The following GPC6 variants were observed in gnomAD, a reference collection of about 807,000 sequenced individuals.
GPC6 encodes the protein glypican 6.
A neutral mutation model predicts 55.2 loss-of-function variants in GPC6; 14 were observed. The ratio of observed to expected loss-of-function variants is 0.25; its 90% CI spans 0.17 to 0.40. GPC6 has a LOEUF of 0.40. Ranked by LOEUF, GPC6 falls within the 10% of genes least tolerant of loss-of-function variation. The pLI, the probability that GPC6 is intolerant of heterozygous loss-of-function variation, is 1.00. For synonymous variants in GPC6, 278 were observed against 259.6 expected (o/e 1.07, Z -0.68); for missense variants, 641 against 708.5 (o/e 0.90, Z 1.08).
intron 3 of GPC6, among the ~76,000 whole-genome samples, chr13:93,899,713 T>C (rs1279387123): frequency 6.6e-6 from 1 of 152,120 alleles, no homozygotes; most frequent in Non-Finnish European, 1.5e-5. Context: ...TAAAAAGGCC[T>C]GAAGAGGTTA....
intron 1 of GPC6, among the ~76,000 whole-genome samples, chr13:93,335,300 T>C (rs1187391520): frequency 2.0e-5 from 3 of 152,244 alleles, no homozygotes; most frequent in African/African-American, 7.2e-5. Flanking sequence ...AATTCTCTAG[T>C]TTATTATCAT....
intron 6 of GPC6, among the ~76,000 whole-genome samples, chr13:94,379,495 G>A (rs1040043935): frequency 3.3e-5 from 5 of 152,064 alleles, no homozygotes; most frequent in Non-Finnish European, 7.4e-5. Flanking sequence ...TCATCGCGAC[G>A]GGCTCCTCAC....
At chr13:93,433,396 C>T (rs1877444242) in intron 1 of GPC6, among the ~76,000 whole-genome samples, 1 of 152,112 alleles carries the variant, frequency 6.6e-6, no homozygotes, top group Admixed American at 6.6e-5. Flanking sequence ...TCTGGTGGCT[C>T]ACATGAAATA....
chr13:94,175,253 G>C (rs1224424356), intron 4 of GPC6, among the ~76,000 whole-genome samples: 1 of 152,098 alleles, frequency 6.6e-6, no homozygotes, highest in Non-Finnish European at 1.5e-5. Flanking sequence ...AATATGTTAG[G>C]CTTTGTGGAT....
intron 6 of GPC6, among the ~76,000 whole-genome samples, chr13:94,368,446 C>A (rs892445812): frequency 2.6e-5 from 4 of 152,118 alleles, no homozygotes; most frequent in African/African-American, 9.7e-5. Flanking sequence ...CTCCACCAAG[C>A]ATTACAAAAC....
At chr13:93,333,011 A>G (rs1239284534) in intron 1 of GPC6, among the ~76,000 whole-genome samples, 1 of 152,184 alleles carries the variant, frequency 6.6e-6, no homozygotes, top group African/African-American at 2.4e-5. Flanking sequence ...AGTTGGCTGT[A>G]AATGTGTGGA....
intron 3 of GPC6, among the ~76,000 whole-genome samples, chr13:93,983,912 T>C (rs1022203548): frequency 3.3e-5 from 5 of 151,962 alleles, no homozygotes; most frequent in Admixed American, 1.3e-4. Context: ...AACTAACAAA[T>C]AAAATTTTTT....
At chr13:93,770,678 C>T (rs564043336) in intron 2 of GPC6, among the ~76,000 whole-genome samples, 2 of 152,220 alleles carry the variant, frequency 1.3e-5, no homozygotes, top group African/African-American at 4.8e-5. Flanking sequence ...TGATTTCTTC[C>T]TCAGTAGTGT....
intron 1 of GPC6, among the ~76,000 whole-genome samples, chr13:93,524,465 C>G (rs1230574136): frequency 6.6e-6 from 1 of 151,976 alleles, no homozygotes; most frequent in African/African-American, 2.4e-5. Context: ...TTTCATTTGA[C>G]TGCTTCAGTC....
At chr13:94,364,997 C>T (rs1024037934) in intron 6 of GPC6, among the ~76,000 whole-genome samples, 3 of 152,134 alleles carry the variant, frequency 2.0e-5, no homozygotes, top group African/African-American at 7.2e-5. Context: ...TTTATTCATT[C>T]GCTATTATTG....
chr13:93,952,808 TAC>T (rs552891023), intron 3 of GPC6, among the ~76,000 whole-genome samples: 84 of 147,532 alleles, frequency 5.7e-4, no homozygotes, highest in African/African-American at 1.7e-3. Context: ...GATATAGGTA[TAC>T]ACACACACAC....
chr13:93,903,443 A>G (rs558828050), intron 3 of GPC6, among the ~76,000 whole-genome samples: 1 of 152,254 alleles, frequency 6.6e-6, no homozygotes, highest in Non-Finnish European at 1.5e-5. Context: ...TATCCATCCA[A>G]CTTCTTGCAG....
chr13:93,957,463 A>T (rs1465096585), intron 3 of GPC6, among the ~76,000 whole-genome samples: 1 of 152,158 alleles, frequency 6.6e-6, no homozygotes, highest in Non-Finnish European at 1.5e-5. Context: ...CTTATAAGTG[A>T]GAACATGAGG....
intron 4 of GPC6, among the ~76,000 whole-genome samples, chr13:94,087,260 C>A (rs183642957): frequency 7.9e-5 from 12 of 152,278 alleles, no homozygotes; most frequent in Admixed American, 2.0e-4. Flanking sequence ...GGGCGGAGAC[C>A]TGCAAGCCAT....
intron 1 of GPC6, among the ~76,000 whole-genome samples, chr13:93,377,193 G>A (rs934941440): frequency 5.9e-5 from 9 of 152,178 alleles, no homozygotes; most frequent in African/African-American, 2.2e-4. Flanking sequence ...TTCATGCTTA[G>A]GGTAAAGATG....
At chr13:93,460,873 T>C (rs997371079) in intron 1 of GPC6, among the ~76,000 whole-genome samples, 2 of 152,190 alleles carry the variant, frequency 1.3e-5, no homozygotes, top group Non-Finnish European at 2.9e-5. Flanking sequence ...TAAAAATAAA[T>C]TATATGTATC....
At chr13:93,479,261 T>G (rs1269278958) in intron 1 of GPC6, among the ~76,000 whole-genome samples, 1 of 152,122 alleles carries the variant, frequency 6.6e-6, no homozygotes, top group African/African-American at 2.4e-5. Flanking sequence ...AAACTATAGA[T>G]TTAAATTTGA....
At chr13:94,083,669 C>G (rs1885185689) in intron 4 of GPC6, among the ~76,000 whole-genome samples, 1 of 152,086 alleles carries the variant, frequency 6.6e-6, no homozygotes, top group Non-Finnish European at 1.5e-5. Flanking sequence ...GATTTTGACT[C>G]AAGTCCTAGT....
chr13:94,364,078 C>T (rs561519329), intron 6 of GPC6, among the ~76,000 whole-genome samples: 1 of 152,224 alleles, frequency 6.6e-6, no homozygotes, highest in South Asian at 2.1e-4. Context: ...ACCTGTAGCT[C>T]CTTTGTGGCT....
Sources: gnomAD v4.1 joint callset for allele counts (sites outside exome capture counted in the v4.1 genomes callset) on GRCh38, gnomAD v4.1.1 for gene constraint, MANE v1.5 for transcripts, NCBI Gene and HGNC (gene_info 2026-07-23, HGNC 2026-07-21) for gene names.